TBCD: variants seen among roughly 807,000 people sequenced by gnomAD.
The protein encoded by TBCD is tubulin-specific chaperone D.
Under a neutral mutation model 169.3 loss-of-function variants are expected in TBCD, and 105 were observed. The ratio of observed to expected loss-of-function variants is 0.62; its 90% CI spans 0.53 to 0.73. The LOEUF is 0.73. TBCD is among the 30% of genes least tolerant of loss of function. The pLI is 0.00. For missense variants in TBCD, 1,444 were observed against 1,600.1 expected (o/e 0.90, Z 1.66); for synonymous variants, 700 against 643.9 (o/e 1.09, Z -1.32).
intron 17 of TBCD, among the ~76,000 whole-genome samples, chr17:82,896,265 G>T (rs1290462606): frequency 6.6e-6 from 1 of 152,072 alleles, no homozygotes; most frequent in African/African-American, 2.4e-5. Flanking sequence ...ACCGTCCCCC[G>T]AGCCTCCAGG....
In TBCD at chr17:82,929,096, C is replaced by T. The variant is rs2061995403; in HGVS notation, c.2694-17C>T. ...TTACCGCCCGCCCTTGGTTTACCTC[C>T]TGCTCTCGGTTTGCAGCTGTGAGCG... On this transcript the variant is annotated splice_polypyrimidine_tract_variant and intron_variant, in intron 30 of 38. Transcript: ENST00000355528. The T allele has an allele frequency of 6.2e-7, 1 of 1,602,190 alleles. No individual in the cohort carries two copies. The highest frequency in any genetic ancestry group is 8.5e-7 in the Non-Finnish European group (1 of 1,175,818).
intron 22 of TBCD, 94 bp downstream of exon 22, chr17:82,909,401 C>T (rs2060460205): frequency 5.5e-6 from 6 of 1,082,712 alleles, no homozygotes; most frequent in Admixed American, 2.2e-5. Flanking sequence ...GCTTCCCTCT[C>T]TGCCTATGTG....
intron 19 of TBCD, 33 bp from the exon 20 acceptor site, chr17:82,905,903 C>T (rs1280708210): frequency 1.3e-6 from 2 of 1,558,478 alleles, no homozygotes; most frequent in East Asian, 2.3e-5. Context: ...ATGTACACAC[C>T]CTCACCTGCC....
intron 37 of TBCD, among the ~76,000 whole-genome samples, chr17:82,940,244 C>CACACACACACACACACTT (rs1055403898): frequency 3.3e-5 from 5 of 150,812 alleles, no homozygotes; most frequent in Admixed American, 1.3e-4. Context: ...CACACACACA[C>CACACACACACACACACTT]ACTTCTAAAA....
chr17:82,879,976 G>T (rs889310166), intron 14 of TBCD, among the ~76,000 whole-genome samples: 1 of 152,022 alleles, frequency 6.6e-6, no homozygotes, highest in Non-Finnish European at 1.5e-5. Context: ...CTTTCTGGAG[G>T]CTCAGGGGGG....
At position 82,925,067 on chromosome 17, in the gene TBCD, G is replaced by T; in HGVS notation, c.2379+10G>T. The T allele has an allele frequency of 6.5e-7, 1 of 1,548,164 alleles. No homozygotes were observed. ...AGGCCGGCTCCAGCAGGTGAGGCTG[G>T]CCACGCGCAGTGGACGGGGCCTAGG... On this transcript the variant is annotated intron_variant, in intron 27 of 38. Coordinates refer to ENST00000355528, the MANE Select transcript of TBCD (RefSeq NM_005993.5).
chr17:82,914,582 T>C (rs6502013), intron 23 of TBCD, among the ~76,000 whole-genome samples: 51,009 of 151,984 alleles, frequency 0.34, 9,295 homozygotes, highest in African/African-American at 0.49. Flanking sequence ...CCTCGCACCG[T>C]GGCGGGCGTG....
At chr17:82,927,374 C>A in intron 29 of TBCD, 51 bp downstream of exon 29, 1 of 1,575,748 alleles carries the variant, frequency 6.3e-7, no homozygotes, top group East Asian at 2.3e-5. Context: ...CCATCTATTC[C>A]GTGGAAACTC....
rs531320591 is a variant in TBCD, at chr17:82,776,567, C to T, written c.638+4060C>T. On this transcript the variant is annotated intron_variant, in intron 6 of 38. Coordinates refer to ENST00000355528, the MANE Select transcript of TBCD (RefSeq NM_005993.5). ...AGTCAGAGTCAGCACTGTGCTTTTT[C>T]ACCTGATTTCATGTAACTGCTGATG... is the stretch of plus-strand genomic sequence containing the variant. Among the ~76,000 whole-genome samples, 3 of 152,292 alleles carry T rather than the reference C, an allele frequency of 2.0e-5. No homozygotes were observed. In the South Asian group the frequency reaches 6.2e-4, roughly 32 times the overall value.
At chr17:82,916,943 C>CACTTAATT (rs1484622141) in intron 23 of TBCD, among the ~76,000 whole-genome samples, 2 of 151,972 alleles carry the variant, frequency 1.3e-5, no homozygotes, top group Non-Finnish European at 2.9e-5. Context: ...TGGATCACCG[C>CACTTAATT]ACTTAATTCT....
In TBCD at chr17:82,880,892, C is replaced by T. The variant is rs376122296; in HGVS notation, c.1476-3253C>T. Reference sequence around the variant, plus strand: ...CTTGCAGTGTGAGTGAGCAAGTGGCCGAGGGGTAGACTTTGGATGGCTCCA... The same window carrying T: ...CTTGCAGTGTGAGTGAGCAAGTGGCTGAGGGGTAGACTTTGGATGGCTCCA... On this transcript the variant is annotated intron_variant, in intron 14 of 38. Coordinates refer to ENST00000355528, the MANE Select transcript of TBCD (RefSeq NM_005993.5). This position sits in a 1 kb window ranked among gnomAD's most constrained non-coding sequence, Gnocchi z 5.0. Among the ~76,000 whole-genome samples the T allele has an allele frequency of 1.1e-4, 16 of 152,112 alleles. No homozygotes were observed. The highest frequency in any genetic ancestry group is 1.8e-4 in the Non-Finnish European group (12 of 67,980).
chr17:82,859,064 G>A (rs1375853192), intron 13 of TBCD, among the ~76,000 whole-genome samples: 1 of 152,106 alleles, frequency 6.6e-6, no homozygotes, highest in African/African-American at 2.4e-5. Context: ...CCGGCTCTGT[G>A]TCCTCCCCGC....
intron 13 of TBCD, among the ~76,000 whole-genome samples, chr17:82,856,510 G>T (rs945030613): frequency 6.6e-6 from 1 of 152,116 alleles, no homozygotes; most frequent in African/African-American, 2.4e-5. Context: ...CTGAAATCCT[G>T]ACTCCCAAGG....
intron 13 of TBCD, among the ~76,000 whole-genome samples, chr17:82,857,354 T>C (rs1256159735): frequency 6.6e-6 from 1 of 152,256 alleles, no homozygotes; most frequent in Non-Finnish European, 1.5e-5. Flanking sequence ...ATCTTCTGGA[T>C]ATTAAACTCT....
At chr17:82,909,357 T>G (rs1279545886) in intron 22 of TBCD, 50 bp downstream of exon 22, 1 of 1,471,984 alleles carries the variant, frequency 6.8e-7, no homozygotes, top group Non-Finnish European at 9.3e-7. Flanking sequence ...AATGAAGAAC[T>G]GCGCTGTCAG....
At position 82,940,844 on chromosome 17, in the gene TBCD, C is replaced by T. The variant is rs192902670; in HGVS notation, c.3480-555C>T. On this transcript the variant is annotated intron_variant, in intron 37 of 38. Transcript: ENST00000355528. ...AAGAAGCCAGGTGTCCCGAGCGGGG[C>T]GAGGCCTCCTCCAGCGAGGCTGGGT... Among the ~76,000 whole-genome samples the T allele has an allele frequency of 3.8e-3, 585 of 152,202 alleles. 3 individuals carry two copies. Among genetic ancestry groups the T allele is most frequent in the Middle Eastern group, 0.01 (3 of 294 alleles).
intron 11 of TBCD, 106 bp downstream of exon 11, chr17:82,807,774 C>T (rs2051084530): frequency 8.5e-6 from 7 of 823,076 alleles, no homozygotes; most frequent in Middle Eastern, 3.6e-4. Context: ...GCGCGGCCCC[C>T]TCCTCGGCCC....
intron 21 of TBCD, 144 bp from the exon 22 acceptor site, chr17:82,909,141 C>T (rs539363368): frequency 6.9e-6 from 4 of 578,986 alleles, no homozygotes; most frequent in Admixed American, 2.9e-5. Flanking sequence ...GGTGGGCCTC[C>T]GTCCTCAGCC....
chr17:82,883,511 C>G (rs2058513404), intron 14 of TBCD, among the ~76,000 whole-genome samples: 1 of 152,242 alleles, frequency 6.6e-6, no homozygotes, highest in African/African-American at 2.4e-5. Context: ...CTGAGTGTGG[C>G]TCGCATGGGG....
Sources: gnomAD v4.1 joint callset for allele counts (sites outside exome capture counted in the v4.1 genomes callset) on GRCh38, gnomAD v4.1.1 for gene constraint, Gnocchi (gnomAD v3.1) non-coding constraint, MANE v1.5 for transcripts, NCBI Gene and HGNC (gene_info 2026-07-23, HGNC 2026-07-21) for gene names.